Variants in ERBB4 observed in about 807,000 individuals in gnomAD.
The protein encoded by ERBB4 is erb-b2 receptor tyrosine kinase 4.
In ERBB4, 42 loss-of-function variants were observed where a neutral mutation model predicts 158.0. That is an observed-to-expected ratio of 0.27 (90% CI 0.21 to 0.34). The LOEUF is 0.34. Among genes scored for constraint, ERBB4 ranks in the 10% least tolerant of loss-of-function variants. ERBB4 has a pLI of 1.00. For missense variants in ERBB4, 1,333 were observed against 1,624.1 expected, an observed-to-expected ratio of 0.82 and a Z score of 3.08; for synonymous variants, 583 against 558.7, an observed-to-expected ratio of 1.04 and a Z score of -0.61.
intron 2 of ERBB4, among the ~76,000 whole-genome samples, chr2:211,969,876 T>A (rs186415856): frequency 6.6e-6 from 1 of 152,192 alleles, no homozygotes. Flanking sequence ...ATGTTTTTCA[T>A]GTCTCTCTCC....
intron 1 of ERBB4, among the ~76,000 whole-genome samples, chr2:212,317,083 T>G (rs898435647): frequency 6.6e-6 from 1 of 151,530 alleles, no homozygotes; most frequent in Non-Finnish European, 1.5e-5. Context: ...ACTAAAAATG[T>G]AAAATTGTTG....
At chr2:212,205,678 A>G (rs769486139) in intron 1 of ERBB4, among the ~76,000 whole-genome samples, 1 of 152,190 alleles carries the variant, frequency 6.6e-6, no homozygotes, top group Non-Finnish European at 1.5e-5. Flanking sequence ...GCATTGTTAC[A>G]TATCAACAAT....
chr2:212,504,525 AAAG>A (rs1239364435), intron 1 of ERBB4, among the ~76,000 whole-genome samples: 1 of 152,114 alleles, frequency 6.6e-6, no homozygotes, highest in Non-Finnish European at 1.5e-5. Context: ...CGTTAATCTC[AAAG>A]AAGGAAGAAA....
At chr2:212,023,843 C>G (rs1482127112) in intron 2 of ERBB4, among the ~76,000 whole-genome samples, 1 of 151,586 alleles carries the variant, frequency 6.6e-6, no homozygotes, top group Admixed American at 6.6e-5. Flanking sequence ...TGAACAATAT[C>G]CAGGAAATGA....
At chr2:212,535,869 C>A (rs1693027325) in intron 1 of ERBB4, among the ~76,000 whole-genome samples, 1 of 152,170 alleles carries the variant, frequency 6.6e-6, no homozygotes. Context: ...GCATCCCCCG[C>A]CCTATATTTT....
intron 19 of ERBB4, among the ~76,000 whole-genome samples, chr2:211,580,269 A>C (rs2068026695): frequency 6.6e-6 from 1 of 152,206 alleles, no homozygotes; most frequent in African/African-American, 2.4e-5. Context: ...AAATATCCAG[A>C]ATCTGCAACG....
chr2:212,290,895 C>T (rs971326004), intron 1 of ERBB4, among the ~76,000 whole-genome samples: 5 of 151,982 alleles, frequency 3.3e-5, no homozygotes, highest in Admixed American at 6.6e-5. Flanking sequence ...TATAGTTTAA[C>T]GGAACAAGAT....
chr2:212,470,803 A>G (rs1689080083), intron 1 of ERBB4, among the ~76,000 whole-genome samples: 1 of 152,128 alleles, frequency 6.6e-6, no homozygotes, highest in African/African-American at 2.4e-5. Context: ...GATTATCTCA[A>G]TGTATTTCTT....
rs2106045122 is a variant in ERBB4 at position 211,704,123 on chromosome 2, C to T, written c.1270G>A (p.Gly424Ser). The change falls in exon 11 of 28, where the codon GGT becomes AGT. Residue 424 changes from glycine (G) to serine (S), a missense_variant. Gly to Ser is a moderately conservative substitution (Grantham distance 56, BLOSUM62 0). Coordinates refer to ENST00000342788, the MANE Select transcript of ERBB4 (RefSeq NM_005235.3). ...FSVFSNLVTI[G>S]GRVLYSGLSL... ...ACTTACCTATAGAGTACTCTTCCACCAATGGTCACCAGGTTAGAAAAAACA... is the reference window on the plus strand; with the variant it reads ...ACTTACCTATAGAGTACTCTTCCACTAATGGTCACCAGGTTAGAAAAAACA... The T allele has an allele frequency of 6.2e-7, 1 of 1,607,970 alleles. No homozygotes were observed.
chr2:211,628,793 A>C (rs963521743), intron 17 of ERBB4, among the ~76,000 whole-genome samples: 11 of 152,326 alleles, frequency 7.2e-5, no homozygotes, highest in South Asian at 2.1e-4. Context: ...CCAACAGTGT[A>C]AAAGTGTTCC....
chr2:211,678,330 A>C (rs1284150751), intron 13 of ERBB4, among the ~76,000 whole-genome samples: 112 of 142,118 alleles, frequency 7.9e-4, no homozygotes, highest in Middle Eastern at 3.8e-3. Context: ...AAAAAAAAAA[A>C]ACAAGAAAAC....
chr2:212,431,306 TAAAA>T (rs35419362), intron 1 of ERBB4, among the ~76,000 whole-genome samples: 1 of 86,876 alleles, frequency 1.2e-5, no homozygotes, highest in African/African-American at 4.3e-5. Flanking sequence ...CTGCTCATAT[TAAAA>T]AAAAAAAAAA....
intron 1 of ERBB4, among the ~76,000 whole-genome samples, chr2:212,265,453 G>A (rs1053774530): frequency 2.0e-5 from 3 of 152,056 alleles, no homozygotes; most frequent in African/African-American, 7.2e-5. Context: ...CATTTCCTAA[G>A]AAACACATTT....
At chr2:211,623,249 C>T (rs1335780245) in intron 18 of ERBB4, among the ~76,000 whole-genome samples, 1 of 151,166 alleles carries the variant, frequency 6.6e-6, no homozygotes, top group African/African-American at 2.4e-5. Context: ...TTTTCCTTTC[C>T]AGAAATATCT....
chr2:211,759,636 C>A (rs988539850), intron 4 of ERBB4, among the ~76,000 whole-genome samples: 2 of 152,128 alleles, frequency 1.3e-5, no homozygotes, highest in Non-Finnish European at 2.9e-5. Context: ...TTAGATGTCA[C>A]CTCTCCATGA....
At chr2:211,649,730 G>C (rs1173576303) in intron 16 of ERBB4, among the ~76,000 whole-genome samples, 1 of 151,896 alleles carries the variant, frequency 6.6e-6, no homozygotes, top group Non-Finnish European at 1.5e-5. Flanking sequence ...CAGAAGAACA[G>C]AATGCTATAA....
chr2:211,959,116 T>C (rs2081105651), intron 2 of ERBB4, among the ~76,000 whole-genome samples: 1 of 152,072 alleles, frequency 6.6e-6, no homozygotes, highest in African/African-American at 2.4e-5. Context: ...CATTCATCCA[T>C]CCATCCATCC....
At chr2:212,175,609 T>A (rs112920402) in intron 1 of ERBB4, among the ~76,000 whole-genome samples, 71 of 84,396 alleles carry the variant, frequency 8.4e-4, no homozygotes, top group African/African-American at 1.9e-3. Context: ...GAATATGTAT[T>A]TTTTTTTTTT....
At chr2:211,963,216 G>C (rs1329938458) in intron 2 of ERBB4, among the ~76,000 whole-genome samples, 1 of 151,982 alleles carries the variant, frequency 6.6e-6, no homozygotes, top group Non-Finnish European at 1.5e-5. Context: ...GGGGTGGAGG[G>C]TGATACTGGC....
Sources: allele counts gnomAD v4.1 joint callset (sites outside exome capture counted in the v4.1 genomes callset), GRCh38; gene constraint gnomAD v4.1.1; transcripts MANE v1.5; gene names NCBI Gene and HGNC (gene_info 2026-07-23, HGNC 2026-07-21).